Variants in BICC1 observed in about 807,000 individuals in gnomAD.
BICC1 encodes BicC family RNA binding protein 1.
A neutral mutation model predicts 111.0 loss-of-function variants in BICC1; 43 were observed. The ratio of observed to expected loss-of-function variants is 0.39; its 90% CI spans 0.30 to 0.50. The LOEUF (loss-of-function observed/expected upper bound fraction) is 0.50. BICC1 is among the 20% of genes least tolerant of loss of function. The pLI, the probability that BICC1 is intolerant of heterozygous loss-of-function variation, is 0.88. For missense variants in BICC1, 1,091 were observed against 1,203.2 expected (o/e 0.91, Z 1.38); for synonymous variants, 467 against 434.4 (o/e 1.07, Z -0.93).
chr10:58,808,450 C>T lies in BICC1; in HGVS notation c.2376+1292C>T, dbSNP rs112742528. On this transcript the variant is annotated intron_variant, in intron 17 of 20. Coordinates refer to ENST00000373886, the MANE Select transcript of BICC1 (RefSeq NM_001080512.3). ...ATTGTTGACTGTGTTCCTATAGTTT[C>T]AAAGATGAAGTATTTGCTTTAGAAA... Among the ~76,000 whole-genome samples, 355 of 152,208 alleles carry T rather than the reference C, an allele frequency of 2.3e-3. 3 individuals are homozygous for T. Among genetic ancestry groups the T allele is most frequent in the African/African-American group, 8.3e-3 (343 of 41,540 alleles).
chr10:58,583,226 TA>T (rs1317830164), intron 1 of BICC1, among the ~76,000 whole-genome samples: 1 of 152,306 alleles, frequency 6.6e-6, no homozygotes, highest in East Asian at 1.9e-4. Context: ...GTAGATTTCT[TA>T]AAATTTTTTT....
intron 1 of BICC1, among the ~76,000 whole-genome samples, chr10:58,522,984 C>T (rs1486618473): frequency 6.6e-6 from 1 of 152,144 alleles, no homozygotes; most frequent in African/African-American, 2.4e-5. Context: ...GACATATACA[C>T]CCTCCCAAGA....
chr10:58,635,765 C>A (rs1837934751), intron 2 of BICC1, among the ~76,000 whole-genome samples: 1 of 152,206 alleles, frequency 6.6e-6, no homozygotes, highest in Non-Finnish European at 1.5e-5. Context: ...CCAGTGGTAT[C>A]CCCAAGCCCT....
intron 2 of BICC1, among the ~76,000 whole-genome samples, chr10:58,697,930 C>T (rs916064580): frequency 1.3e-5 from 2 of 152,034 alleles, no homozygotes; most frequent in African/African-American, 4.8e-5. Flanking sequence ...CCACCTCCCA[C>T]CCCCATGACA....
At chr10:58,562,370 A>G (rs955941864) in intron 1 of BICC1, among the ~76,000 whole-genome samples, 1 of 152,114 alleles carries the variant, frequency 6.6e-6, no homozygotes, top group East Asian at 1.9e-4. Context: ...TTCCTAGAAA[A>G]ATCAGTCTCT....
chr10:58,806,517 A>G (rs368910737), intron 15 of BICC1, 67 bp from the exon 16 acceptor site: 4 of 1,407,422 alleles, frequency 2.8e-6, no homozygotes, highest in Non-Finnish European at 4.0e-6. Context: ...TTTGTTCTCT[A>G]ACCATGGAGT....
intron 1 of BICC1, among the ~76,000 whole-genome samples, chr10:58,542,156 A>AAC (rs1554803865): frequency 1.4e-5 from 2 of 145,060 alleles, no homozygotes; most frequent in Admixed American, 1.3e-4. Flanking sequence ...GTCTCAAAAA[A>AAC]AAAAAAAAAA....
At position 58,550,611 on chromosome 10, in the gene BICC1, T is replaced by G. The variant is rs181426186; in HGVS notation, c.190+37278T>G. 7.2e-5 allele frequency among the ~76,000 whole-genome samples: 11 copies of G among 152,340 alleles called. No individual in the cohort carries two copies. The East Asian group carries it at 1.2e-3, about 16-fold the overall frequency. ...GATTCATTTTGCATTGTTTGTAAAA[T>G]ATAAGGTCCAAGTCCAGGTTCATTT... On this transcript the variant is annotated intron_variant, in intron 1 of 20. Coordinates refer to ENST00000373886, the MANE Select transcript of BICC1 (RefSeq NM_001080512.3).
chr10:58,766,895 G>A (rs574672442), intron 3 of BICC1, among the ~76,000 whole-genome samples: 2 of 152,014 alleles, frequency 1.3e-5, no homozygotes, highest in South Asian at 2.1e-4. Context: ...TTGACCCACC[G>A]AGAACACTGG....
At chr10:58,550,619 C>T (rs985142710) in intron 1 of BICC1, among the ~76,000 whole-genome samples, 2 of 151,884 alleles carry the variant, frequency 1.3e-5, no homozygotes, top group African/African-American at 4.8e-5. Flanking sequence ...AATATAAGGT[C>T]CAAGTCCAGG....
intron 15 of BICC1, among the ~76,000 whole-genome samples, chr10:58,803,664 T>C (rs2132885145): frequency 6.6e-6 from 1 of 152,330 alleles, no homozygotes; most frequent in South Asian, 2.1e-4. Flanking sequence ...GTTATGAGAA[T>C]AACGAATGTG....
rs879870007 is a variant in BICC1 at position 58,699,701 on chromosome 10, C to CT, written c.238-2361dup. ...AGATCTTATTTTTCTATCTTTCTTTCTTTTTTTTTTTTAAACAGTGTCTCA... is the reference window on the plus strand; with the variant it reads ...AGATCTTATTTTTCTATCTTTCTTTCTTTTTTTTTTTTTAAACAGTGTCTCA... On this transcript the variant is annotated intron_variant, in intron 2 of 20. Coordinates refer to ENST00000373886, the MANE Select transcript of BICC1 (RefSeq NM_001080512.3). Among the ~76,000 whole-genome samples the CT allele has an allele frequency of 4.7e-4, 69 of 145,826 alleles. 1 individual carries two copies. Among genetic ancestry groups the CT allele is most frequent in the Admixed American group, 8.9e-4 (13 of 14,574 alleles).
chr10:58,549,501 CTAG>C (rs1385745983), intron 1 of BICC1, among the ~76,000 whole-genome samples: 1 of 151,992 alleles, frequency 6.6e-6, no homozygotes, highest in East Asian at 1.9e-4. Context: ...TAATAGATGT[CTAG>C]TAGTATCTCA....
intron 3 of BICC1, among the ~76,000 whole-genome samples, chr10:58,707,434 G>C (rs759794055): frequency 2.0e-5 from 3 of 152,068 alleles, no homozygotes; most frequent in Non-Finnish European, 4.4e-5. Context: ...ACCTATTCGT[G>C]TGTCAGGTGT....
rs192344012 is a variant in BICC1 at position 58,784,649 on chromosome 10, G to A, written c.308-352G>A. ...TGCACTTCAACCCTTAGAACAGGGC[G>A]GAGACTTGTAGCAGAAGCTCAATTA... is the stretch of plus-strand genomic sequence containing the variant. On this transcript the variant is annotated intron_variant, in intron 3 of 20. Coordinates refer to ENST00000373886, the MANE Select transcript of BICC1 (RefSeq NM_001080512.3). Among the ~76,000 whole-genome samples, 6 of 151,748 alleles carry A rather than the reference G, an allele frequency of 4.0e-5. No individual in the cohort carries two copies. In the East Asian group the frequency reaches 5.9e-4, roughly 15 times the overall value.
Position 58,796,404 on chromosome 10 carries a change from T to C in BICC1, c.1244T>C (p.Leu415Pro). 6.2e-7 allele frequency: 1 copy of C among 1,614,152 alleles called. No homozygotes were observed. The highest frequency in any genetic ancestry group is 8.5e-7 in the Non-Finnish European group (1 of 1,180,008). Residue 415 changes from leucine to proline, a missense_variant, in exon 10 of 21, where the codon CTC (leucine) becomes CCC (proline). Transcript: ENST00000373886. ...ATGTATGAAGCAAGGAAATGTCTCC[T>C]CGGACTTGAAAGCAGTGGGGTTACC... ...LNMYEARKCL[L>P]GLESSGVTIA...
At chr10:58,784,975 A>G (rs929476502) in intron 3 of BICC1, 26 bp from the exon 4 acceptor site, 9 of 1,357,348 alleles carry the variant, frequency 6.6e-6, no homozygotes, top group South Asian at 1.3e-5. Context: ...GGAGTTTCAC[A>G]CAAGCCTTTT....
intron 1 of BICC1, among the ~76,000 whole-genome samples, chr10:58,558,076 G>A (rs1237526237): frequency 6.6e-6 from 1 of 152,086 alleles, no homozygotes; most frequent in Non-Finnish European, 1.5e-5. Context: ...TGAGGCAAAA[G>A]CCTTCTAAGT....
chr10:58,633,805 T>C (rs1040119729), intron 2 of BICC1, among the ~76,000 whole-genome samples: 1 of 152,116 alleles, frequency 6.6e-6, no homozygotes, highest in Non-Finnish European at 1.5e-5. Flanking sequence ...TCCATTTGTA[T>C]AAAAGATTCC....
Sources: allele counts gnomAD v4.1 joint callset (sites outside exome capture counted in the v4.1 genomes callset), GRCh38; gene constraint gnomAD v4.1.1; transcripts MANE v1.5; gene names NCBI Gene and HGNC (gene_info 2026-07-23, HGNC 2026-07-21).